The following TECTA variants were observed in gnomAD, a reference collection of about 807,000 sequenced individuals.
The protein encoded by TECTA is tectorin alpha.
Under a neutral mutation model 216.8 loss-of-function variants are expected in TECTA, and 128 were observed. That is an observed-to-expected ratio of 0.59 (90% CI 0.51 to 0.68). The LOEUF is 0.68. Ranked by LOEUF, TECTA falls within the 30% of genes least tolerant of loss-of-function variation. The pLI, the probability that TECTA is intolerant of heterozygous loss-of-function variation, is 0.00. For synonymous variants in TECTA, 1,089 were observed against 1,117.1 expected (o/e 0.97, Z 0.50); for missense variants, 2,551 against 2,786.2 (o/e 0.92, Z 1.90).
chr11:121,137,765 A>G lies in TECTA; in HGVS notation c.3286A>G (p.Thr1096Ala). ...EGGLYYCQAR[T>A]DASCIVSGYG... Reference sequence around the variant, plus strand: ...TGGCCTGTACTACTGCCAAGCCCGCACCGACGCCTCCTGCATCGTCTCAGG... The same window carrying G: ...TGGCCTGTACTACTGCCAAGCCCGCGCCGACGCCTCCTGCATCGTCTCAGG... Residue 1096 changes from threonine (T) to alanine (A), a missense_variant, in exon 11 of 24, where the codon ACC becomes GCC. Around this residue, in one of 3 missense-constraint regions of TECTA, gnomAD observed 2,375 missense variants for 2,563.9 expected, o/e 0.93. Coordinates refer to ENST00000392793, the MANE Select transcript of TECTA (RefSeq NM_005422.4). The G allele has an allele frequency of 6.2e-7, 1 of 1,614,104 alleles. No individual in the cohort carries two copies. The highest frequency in any genetic ancestry group is 1.3e-5 in the African/African-American group (1 of 74,996).
chr11:121,125,784 G>C lies in TECTA; in HGVS notation c.1686G>C (p.Thr562=). 6.2e-7 allele frequency: 1 copy of C among 1,614,112 alleles called. No individual in the cohort carries two copies. The highest frequency in any genetic ancestry group is 1.7e-5 in the Admixed American group (1 of 60,036). ...TGTGCAGTGTGAGGGACAATGGCAC[G>C]CTCCTCTGCCAAGCCATCCAGGCCT... ...YDLCSVRDNG[T]LLCQAIQAYA... The change falls in exon 8 of 24, where the codon ACG becomes ACC. Residue 562 remains threonine, a synonymous_variant. Transcript: ENST00000392793.
intron 12 of TECTA, among the ~76,000 whole-genome samples, chr11:121,147,969 C>T (rs1212732449): frequency 6.6e-6 from 1 of 152,196 alleles, no homozygotes; most frequent in African/African-American, 2.4e-5. Flanking sequence ...GCCTCACAAC[C>T]TTACCCCCAA....
rs961321549 is a variant in TECTA, at chr11:121,139,113, G to A, written c.3543+1091G>A. Among the ~76,000 whole-genome samples the A allele has an allele frequency of 5.3e-5, 8 of 152,144 alleles. No homozygotes were observed. In the South Asian group the frequency reaches 8.3e-4, roughly 16 times the overall value. On this transcript the variant is annotated intron_variant, in intron 11 of 23. Transcript: ENST00000392793. ...TATCTTTCATGTTTATTGGAAGTCTGCCTTTTTATCATCCAAGGAAGCAAT... is the reference window on the plus strand; with the variant it reads ...TATCTTTCATGTTTATTGGAAGTCTACCTTTTTATCATCCAAGGAAGCAAT...
chr11:121,136,286 G>A (rs551093595), intron 10 of TECTA, among the ~76,000 whole-genome samples: 1 of 152,108 alleles, frequency 6.6e-6, no homozygotes, highest in African/African-American at 2.4e-5. Flanking sequence ...TTCAAGGAAG[G>A]CTTCTGGGAA....
intron 3 of TECTA, among the ~76,000 whole-genome samples, chr11:121,107,122 A>G (rs1364235186): frequency 6.6e-6 from 1 of 152,216 alleles, no homozygotes; most frequent in African/African-American, 2.4e-5. Context: ...AACGCCTTTT[A>G]TACTCTATTC....
chr11:121,160,453 T>C lies in TECTA; in HGVS notation c.4976+32T>C, dbSNP rs776877521. 3.7e-6 allele frequency: 6 copies of C among 1,603,234 alleles called. No individual in the cohort carries two copies. The Admixed American group carries it at 8.3e-5, about 22-fold the overall frequency. The stretch of plus-strand genomic sequence containing the variant: ...GTGTAGGAGTTCAAGCCACTAGACT[T>C]GGTGGCCCAAGTTCTCTCACGTCCA... On this transcript the variant is annotated intron_variant, in intron 15 of 23. Transcript: ENST00000392793.
chr11:121,125,238 C>A (rs1946596356), intron 7 of TECTA, 64 bp from the exon 8 acceptor site: 1 of 1,532,518 alleles, frequency 6.5e-7, no homozygotes, highest in Admixed American at 1.7e-5. Context: ...CTTTCCTGAT[C>A]TCTGCTGGAA....
chr11:121,153,713 C>G (rs376734952), intron 13 of TECTA, among the ~76,000 whole-genome samples: 1 of 152,170 alleles, frequency 6.6e-6, no homozygotes, highest in East Asian at 1.9e-4. Context: ...CATGAAGATG[C>G]CCTTCGTAGA....
chr11:121,103,997 C>G (rs1386491659), intron 2 of TECTA, among the ~76,000 whole-genome samples: 3 of 152,164 alleles, frequency 2.0e-5, no homozygotes, highest in Non-Finnish European at 4.4e-5. Flanking sequence ...CCATGGTTTT[C>G]CGTCTCCTCC....
intron 13 of TECTA, among the ~76,000 whole-genome samples, chr11:121,157,514 G>A (rs1946953375): frequency 6.6e-6 from 1 of 152,124 alleles, no homozygotes; most frequent in Non-Finnish European, 1.5e-5. Flanking sequence ...AATCGCTTGA[G>A]TCCAGGCGTT....
chr11:121,164,168 G>A (rs538194132), intron 16 of TECTA, among the ~76,000 whole-genome samples: 8 of 152,214 alleles, frequency 5.3e-5, no homozygotes, highest in African/African-American at 1.9e-4. Context: ...GTGTGTGTGG[G>A]TATGTGTGTC....
chr11:121,142,499 A>T (rs536217944), intron 11 of TECTA, among the ~76,000 whole-genome samples: 1 of 152,310 alleles, frequency 6.6e-6, no homozygotes, highest in South Asian at 2.1e-4. Context: ...CTCCTTGGCA[A>T]TGGCAGAATT....
At chr11:121,118,154 T>C in intron 6 of TECTA, 152 bp from the exon 7 acceptor site, 1 of 976,746 alleles carries the variant, frequency 1.0e-6, no homozygotes, top group Non-Finnish European at 1.5e-6. Flanking sequence ...TAAGGCTCAG[T>C]TTCCTCATTT....
chr11:121,160,042 C>T (rs568035357), intron 14 of TECTA, 93 bp from the exon 15 acceptor site: 30 of 1,493,408 alleles, frequency 2.0e-5, no homozygotes, highest in African/African-American at 1.5e-4. Flanking sequence ...ACAGGGCCTG[C>T]GACACCCAAA....
chr11:121,168,947 A>C (rs762335058), intron 20 of TECTA, 22 bp downstream of exon 20: 3 of 1,614,040 alleles, frequency 1.9e-6, no homozygotes, highest in Non-Finnish European at 2.5e-6. Flanking sequence ...CTTTATAGAC[A>C]ACATTCTCAG....
Position 121,187,971 on chromosome 11 carries a change from T to C in TECTA, c.6139T>C (p.Ser2047Pro). The change falls in exon 21 of 24, where the codon TCA becomes CCA. Residue 2047 changes from serine to proline, a missense_variant. Transcript: ENST00000392793. Reference protein sequence around the residue: ...HLHCAVSLCDSEKYSCKITCP... With the variant: ...HLHCAVSLCDPEKYSCKITCP... Reference sequence around the variant, plus strand: ...TCACTGTGCAGTGTCACTCTGCGACTCAGAAAAGTACTCCTGTAAAATCGT... The same window carrying C: ...TCACTGTGCAGTGTCACTCTGCGACCCAGAAAAGTACTCCTGTAAAATCGT... The C allele has an allele frequency of 6.2e-7, 1 of 1,614,224 alleles. No individual in the cohort carries two copies. The highest frequency in any genetic ancestry group is 8.5e-7 in the Non-Finnish European group (1 of 1,180,038).
At chr11:121,138,766 C>A (rs1320142852) in intron 11 of TECTA, among the ~76,000 whole-genome samples, 1 of 152,238 alleles carries the variant, frequency 6.6e-6, no homozygotes, top group Non-Finnish European at 1.5e-5. Flanking sequence ...CCCAGCTATT[C>A]TTTCTCCAGG....
In TECTA at chr11:121,127,298, G is replaced by A. The variant is rs1471398075; in HGVS notation, c.1775-454G>A. The stretch of plus-strand genomic sequence containing the variant: ...AGTGCCTCCCTGTTACAAATTTCAC[G>A]TTTTCAAATTACTCCTCTAATGGTT... On this transcript the variant is annotated intron_variant, in intron 8 of 23. Coordinates refer to ENST00000392793, the MANE Select transcript of TECTA (RefSeq NM_005422.4). This position sits in a 1 kb window ranked among gnomAD's most constrained non-coding sequence, Gnocchi z 5.0. Among the ~76,000 whole-genome samples the A allele has an allele frequency of 5.9e-5, 9 of 152,008 alleles. No homozygotes were observed. The highest frequency in any genetic ancestry group is 3.9e-4 in the East Asian group (2 of 5,178).
intron 11 of TECTA, among the ~76,000 whole-genome samples, chr11:121,140,369 C>T (rs1378049973): frequency 2.6e-5 from 4 of 152,180 alleles, no homozygotes; most frequent in Admixed American, 2.6e-4. Flanking sequence ...AGGGTTAAGC[C>T]CCCAGTGGGT....
Sources: gnomAD v4.1 joint callset for allele counts (sites outside exome capture counted in the v4.1 genomes callset) on GRCh38, gnomAD v4.1.1 for gene constraint, gnomAD v4.1.1 regional missense constraint, Gnocchi (gnomAD v3.1) non-coding constraint, MANE v1.5 for transcripts, NCBI Gene and HGNC (gene_info 2026-07-23, HGNC 2026-07-21) for gene names.